Variants in DCC observed in about 807,000 individuals in gnomAD.
DCC encodes the protein netrin receptor DCC.
DCC carries 58 observed loss-of-function variants against 172.5 expected under a neutral mutation model. The ratio of observed to expected loss-of-function variants is 0.34; its 90% CI spans 0.27 to 0.42. DCC has a LOEUF of 0.42. Ranked by LOEUF, DCC falls within the 10% of genes least tolerant of loss-of-function variation. DCC has a pLI of 1.00. For synonymous variants in DCC, 709 were observed against 644.5 expected (o/e 1.10, Z -1.52); for missense variants, 1,740 against 1,791.0 (o/e 0.97, Z 0.51).
At chr18:52,552,104 T>C (rs2032791778) in intron 1 of DCC, among the ~76,000 whole-genome samples, 1 of 151,912 alleles carries the variant, frequency 6.6e-6, no homozygotes, top group Non-Finnish European at 1.5e-5. Flanking sequence ...CATCTAATAG[T>C]AGAACACATA....
At chr18:52,573,598 T>C (rs1330724955) in intron 1 of DCC, among the ~76,000 whole-genome samples, 2 of 152,358 alleles carry the variant, frequency 1.3e-5, no homozygotes, top group East Asian at 3.9e-4. Flanking sequence ...GTTCGTTCTC[T>C]TTTAATTACC....
chr18:52,858,818 G>A (rs1326781033), intron 2 of DCC, among the ~76,000 whole-genome samples: 1 of 152,154 alleles, frequency 6.6e-6, no homozygotes, highest in Non-Finnish European at 1.5e-5. Context: ...TCATTTGTGT[G>A]CAGGCCCCTG....
intron 1 of DCC, among the ~76,000 whole-genome samples, chr18:52,468,588 A>G (rs1236646876): frequency 1.3e-5 from 2 of 152,232 alleles, no homozygotes; most frequent in Non-Finnish European, 2.9e-5. Context: ...TTAATAGTTA[A>G]TATGTTTAGC....
chr18:53,410,440 C>T lies in DCC; in HGVS notation c.2936-12C>T. On this transcript the variant is annotated splice_polypyrimidine_tract_variant and intron_variant, in intron 19 of 28. Coordinates refer to ENST00000442544, the MANE Select transcript of DCC (RefSeq NM_005215.4). ...GGACACCAAATTAAGTCACATTTGT[C>T]TATTTATGCAGCTTACATCTTATTT... The T allele has an allele frequency of 1.3e-6, 2 of 1,566,326 alleles. No individual in the cohort carries two copies. Among genetic ancestry groups the T allele is most frequent in the South Asian group, 1.1e-5 (1 of 89,946 alleles).
intron 21 of DCC, chr18:53,416,403 GC>G (rs1438813061): frequency 3.0e-6 from 2 of 657,390 alleles, no homozygotes; most frequent in Admixed American, 2.2e-5. Flanking sequence ...AAAATGTCAA[GC>G]TTCTTTGTAT....
At chr18:53,014,485 T>C (rs2143893393) in intron 5 of DCC, among the ~76,000 whole-genome samples, 1 of 124,506 alleles carries the variant, frequency 8.0e-6, no homozygotes, top group Non-Finnish European at 1.6e-5. Flanking sequence ...TTCCCCTTCC[T>C]GTGTCCATGT....
At chr18:53,051,979 A>T (rs1369732489) in intron 5 of DCC, among the ~76,000 whole-genome samples, 1 of 151,970 alleles carries the variant, frequency 6.6e-6, no homozygotes, top group Non-Finnish European at 1.5e-5. Context: ...TTAATACTGC[A>T]TCATCTTTCT....
Position 52,361,073 on chromosome 18 carries a change from G to A in DCC, c.91+20195G>A, listed in dbSNP as rs73955613. Reference sequence around the variant, plus strand: ...CAGCAGCGCAAAGTGATGCTTTCACGGTGATGAAGCTGACAGTCATGTTGA... The same window carrying A: ...CAGCAGCGCAAAGTGATGCTTTCACAGTGATGAAGCTGACAGTCATGTTGA... On this transcript the variant is annotated intron_variant, in intron 1 of 28. Transcript: ENST00000442544. Among the ~76,000 whole-genome samples, 528 of 152,214 alleles carry A rather than the reference G, an allele frequency of 3.5e-3. 6 individuals carry two copies. The highest frequency in any genetic ancestry group is 0.012 in the African/African-American group (496 of 41,536).
chr18:53,133,793 A>G (rs763054571), intron 7 of DCC, among the ~76,000 whole-genome samples: 115 of 152,288 alleles, frequency 7.6e-4, no homozygotes, highest in Middle Eastern at 3.4e-3. Context: ...CACTCAAGAG[A>G]AGTCCAGATA....
At chr18:52,897,851 A>G (rs1345211409) in intron 2 of DCC, among the ~76,000 whole-genome samples, 1 of 138,550 alleles carries the variant, frequency 7.2e-6, no homozygotes, top group Non-Finnish European at 1.6e-5. Context: ...AAAAATAAAA[A>G]GGAGTGGGAG....
rs1447491874 is a variant in DCC, at chr18:53,305,723, A to G, written c.2053+4A>G. ...AACCTCTGGTACCTATTCACAGGTC[A>G]GTGTTCACATGGTGTAGTCTTGCAA... On this transcript the variant is annotated splice_donor_region_variant and intron_variant, in intron 13 of 28. Transcript: ENST00000442544. 2 of 1,613,812 alleles carry G rather than the reference A, an allele frequency of 1.2e-6. No homozygotes were observed. Among genetic ancestry groups the G allele is most frequent in the Non-Finnish European group, 1.7e-6 (2 of 1,179,716 alleles).
chr18:53,245,514 A>T (rs2056355214), intron 12 of DCC, among the ~76,000 whole-genome samples: 1 of 152,134 alleles, frequency 6.6e-6, no homozygotes, highest in African/African-American at 2.4e-5. Context: ...GAATAGAATT[A>T]TGTAAGCACT....
At chr18:52,838,501 T>A (rs13313672) in intron 2 of DCC, among the ~76,000 whole-genome samples, 1 of 151,796 alleles carries the variant, frequency 6.6e-6, no homozygotes, top group Non-Finnish European at 1.5e-5. Context: ...TGCCGGGGTG[T>A]GGTGGGGGAG....
chr18:52,601,066 A>G (rs1319908516), intron 1 of DCC, among the ~76,000 whole-genome samples: 1 of 152,174 alleles, frequency 6.6e-6, no homozygotes, highest in Non-Finnish European at 1.5e-5. Context: ...TTTCAAAAAA[A>G]TAATAAAAAA....
At chr18:53,181,838 T>C (rs2055203138) in intron 9 of DCC, among the ~76,000 whole-genome samples, 1 of 152,136 alleles carries the variant, frequency 6.6e-6, no homozygotes, top group Admixed American at 6.6e-5. Context: ...AGTTGGTAAA[T>C]GGAATACAAA....
intron 23 of DCC, among the ~76,000 whole-genome samples, chr18:53,454,099 G>C (rs1227584808): frequency 6.6e-6 from 1 of 152,172 alleles, no homozygotes; most frequent in Non-Finnish European, 1.5e-5. Context: ...TGTAACCCCA[G>C]CCTTTTGGGA....
chr18:52,717,430 C>CTT (rs59202776), intron 1 of DCC, among the ~76,000 whole-genome samples: 15,055 of 123,254 alleles, frequency 0.12, 1,329 homozygotes, highest in African/African-American at 0.23. Flanking sequence ...TTCTAAATTT[C>CTT]TTTTTTTTTT....
chr18:52,786,803 G>A (rs965688603), intron 2 of DCC, among the ~76,000 whole-genome samples: 4 of 152,038 alleles, frequency 2.6e-5, no homozygotes, highest in African/African-American at 9.7e-5. Flanking sequence ...AAGGTATGAG[G>A]CCAGTCTTCC....
intron 2 of DCC, among the ~76,000 whole-genome samples, chr18:52,782,093 G>T (rs1599104529): frequency 6.6e-6 from 1 of 152,046 alleles, no homozygotes; most frequent in Non-Finnish European, 1.5e-5. Flanking sequence ...ACTAAGAAAG[G>T]AAACAACCTC....
Sources: gnomAD v4.1 joint callset for allele counts (sites outside exome capture counted in the v4.1 genomes callset) on GRCh38, gnomAD v4.1.1 for gene constraint, MANE v1.5 for transcripts, NCBI Gene and HGNC (gene_info 2026-07-23, HGNC 2026-07-21) for gene names.